The following GNA11 variants were observed in gnomAD, a reference collection of about 807,000 sequenced individuals.
The protein encoded by GNA11 is G protein subunit alpha 11, also known as guanine nucleotide-binding protein subunit alpha-11.
A neutral mutation model predicts 38.2 loss-of-function variants in GNA11; 8 were observed. The observed-to-expected ratio is 0.21, with a 90% CI of 0.12 to 0.38. The LOEUF (loss-of-function observed/expected upper bound fraction) is 0.38, where lower values mean the gene tolerates loss of function less well. GNA11 is among the 10% of genes least tolerant of loss of function. GNA11 has a pLI of 1.00. For synonymous variants in GNA11, 211 were observed against 221.4 expected (o/e 0.95, Z 0.42); for missense variants, 268 against 516.3 (o/e 0.52, Z 4.66).
rs981868497 is a variant in GNA11, at chr19:3,116,332, G to C, written c.605+1260G>C. Among the ~76,000 whole-genome samples the C allele has an allele frequency of 2.0e-5, 3 of 152,200 alleles. 1 individual carries two copies. The highest frequency in any genetic ancestry group is 2.0e-4 in the Admixed American group (3 of 15,280). ...GTCGGGCGTGAGACTCCCACCGCAGGCCTTATTCCCGCCCAGTGCTGGAGG... is the reference window on the plus strand; with the variant it reads ...GTCGGGCGTGAGACTCCCACCGCAGCCCTTATTCCCGCCCAGTGCTGGAGG... On this transcript the variant is annotated intron_variant, in intron 4 of 6. Coordinates refer to ENST00000078429, the MANE Select transcript of GNA11 (RefSeq NM_002067.5).
intron 3 of GNA11, 102 bp downstream of exon 3, chr19:3,113,586 T>A: frequency 1.1e-6 from 1 of 874,046 alleles, no homozygotes; most frequent in Non-Finnish European, 1.7e-6. Flanking sequence ...GCCCCCTGCC[T>A]GCTCGCCGGG....
intron 1 of GNA11, among the ~76,000 whole-genome samples, chr19:3,098,884 G>A (rs1027175773): frequency 2.0e-5 from 3 of 152,196 alleles, no homozygotes; most frequent in African/African-American, 7.2e-5. Context: ...CTGCTCTCAC[G>A]TCCTTTGTGT....
intron 3 of GNA11, among the ~76,000 whole-genome samples, chr19:3,114,664 G>C (rs956431341): frequency 6.6e-6 from 1 of 152,180 alleles, no homozygotes; most frequent in South Asian, 2.1e-4. Flanking sequence ...CAAACCCCCC[G>C]AACCAGCTGG....
chr19:3,095,288 C>A (rs761210960), intron 1 of GNA11, among the ~76,000 whole-genome samples: 11 of 152,148 alleles, frequency 7.2e-5, no homozygotes, highest in Non-Finnish European at 1.5e-4. Flanking sequence ...CAGGACTCTT[C>A]AGGATTTGCC....
chr19:3,106,371 C>T (rs1212442137), intron 1 of GNA11, among the ~76,000 whole-genome samples: 3 of 152,246 alleles, frequency 2.0e-5, no homozygotes, highest in African/African-American at 7.2e-5. Context: ...ATTTGAAAAG[C>T]AGGCTGGGAC....
At chr19:3,111,410 T>G (rs988860553) in intron 2 of GNA11, among the ~76,000 whole-genome samples, 4 of 152,164 alleles carry the variant, frequency 2.6e-5, no homozygotes, top group African/African-American at 9.7e-5. Context: ...GAAATGGGAT[T>G]GCACGCCATG....
chr19:3,096,867 C>T (rs189705139), intron 1 of GNA11, among the ~76,000 whole-genome samples: 4 of 152,272 alleles, frequency 2.6e-5, no homozygotes, highest in African/African-American at 7.2e-5. Context: ...CGCAGAGAGC[C>T]GGGGCTGTCA....
intron 2 of GNA11, among the ~76,000 whole-genome samples, chr19:3,111,426 T>C (rs541818196): frequency 2.6e-5 from 4 of 152,286 alleles, no homozygotes; most frequent in East Asian, 3.9e-4. Flanking sequence ...CCATGTGGCC[T>C]TTTGTGTCCG....
chr19:3,109,997 A>T (rs1010154252), intron 1 of GNA11, 152 bp from the exon 2 acceptor site: 1 of 601,390 alleles, frequency 1.7e-6, no homozygotes, highest in Non-Finnish European at 2.9e-6. Context: ...AGGAGTCAGG[A>T]GGCCGTGGCG....
chr19:3,097,333 C>T (rs558836678), intron 1 of GNA11, among the ~76,000 whole-genome samples: 10 of 152,158 alleles, frequency 6.6e-5, no homozygotes, highest in Non-Finnish European at 1.5e-4. Context: ...CCTCCCCTGC[C>T]CCTTAGCAGT....
In GNA11 at chr19:3,095,745, G is replaced by A. The variant is rs1913347527; in HGVS notation, c.136+958G>A. 2.0e-5 allele frequency among the ~76,000 whole-genome samples: 3 copies of A among 152,068 alleles called. No homozygotes were observed. The South Asian group carries it at 6.2e-4, about 32-fold the overall frequency. ...GCTTGTTGTCCCAAGCAGCTATCTCGGCAGCCTCCCCCGCCCCCTTCCTTA... is the reference window on the plus strand; with the variant it reads ...GCTTGTTGTCCCAAGCAGCTATCTCAGCAGCCTCCCCCGCCCCCTTCCTTA... On this transcript the variant is annotated intron_variant, in intron 1 of 6. Coordinates refer to ENST00000078429, the MANE Select transcript of GNA11 (RefSeq NM_002067.5).
rs995605325 is a variant in GNA11 at position 3,110,347 on chromosome 19, C to T, written c.321+14C>T. On this transcript the variant is annotated intron_variant, in intron 2 of 6. Transcript: ENST00000078429. This position sits in a 1 kb window ranked among gnomAD's most constrained non-coding sequence, Gnocchi z 5.4. ...GAGCAGAACAAGGTGAGCCCGCGGG[C>T]GCCTGGGGAGGGGAGCGCCTGGGCA... The T allele has an allele frequency of 7.5e-6, 12 of 1,594,772 alleles. No homozygotes were observed. Among genetic ancestry groups the T allele is most frequent in the African/African-American group, 2.7e-5 (2 of 72,852 alleles).
intron 1 of GNA11, among the ~76,000 whole-genome samples, chr19:3,096,492 C>T (rs990151681): frequency 4.6e-5 from 7 of 152,180 alleles, no homozygotes; most frequent in African/African-American, 1.2e-4. Flanking sequence ...CCAGAACCCC[C>T]GCCGCCATCC....
At position 3,121,213 on chromosome 19, in the gene GNA11, G is replaced by A. The variant is rs368892324; in HGVS notation, c.*34G>A. The A allele has an allele frequency of 2.2e-4, 334 of 1,541,294 alleles. No homozygotes were observed. Among genetic ancestry groups the A allele is most frequent in the Admixed American group, 9.6e-4 (55 of 57,182 alleles). The stretch of plus-strand genomic sequence containing the variant: ...GCCCAGGGAGACGGGATGGAGACAC[G>A]GGGCAGGACCTTCCTTCCACGGAGC... On this transcript the variant is annotated 3_prime_UTR_variant, in exon 7 of 7. Coordinates refer to ENST00000078429, the MANE Select transcript of GNA11 (RefSeq NM_002067.5).
Position 3,119,559 on chromosome 19 carries a change from C to T in GNA11, c.889+200C>T, listed in dbSNP as rs1029450909. Among the ~76,000 whole-genome samples the T allele has an allele frequency of 1.5e-5, 2 of 129,210 alleles. No homozygotes were observed. Among genetic ancestry groups the T allele is most frequent in the African/African-American group, 2.9e-5 (1 of 34,342 alleles). The allele number at this position is 129,210 out of a possible 152,430, so 84.8% of individuals were successfully genotyped here. On this transcript the variant is annotated intron_variant, in intron 6 of 6. Coordinates refer to ENST00000078429, the MANE Select transcript of GNA11 (RefSeq NM_002067.5). This position sits in a 1 kb window ranked among gnomAD's most constrained non-coding sequence, Gnocchi z 4.6. ...CTGTACGGGAATGAGTTCTCCGACG[C>T]GGGTGTCTCATACCCGTGGGAGATC... is the stretch of plus-strand genomic sequence containing the variant.
At chr19:3,106,015 G>A (rs1215555668) in intron 1 of GNA11, among the ~76,000 whole-genome samples, 1 of 152,192 alleles carries the variant, frequency 6.6e-6, no homozygotes, top group Non-Finnish European at 1.5e-5. Flanking sequence ...TTTCTTTCCA[G>A]TGGGCAGCTG....
chr19:3,113,905 G>C (rs411386), intron 3 of GNA11, among the ~76,000 whole-genome samples: 4 of 152,032 alleles, frequency 2.6e-5, no homozygotes, highest in Non-Finnish European at 4.4e-5. Flanking sequence ...TCTCCCACTA[G>C]TGACTGGCTG....
chr19:3,100,230 G>A (rs1913469951), intron 1 of GNA11, among the ~76,000 whole-genome samples: 1 of 152,102 alleles, frequency 6.6e-6, no homozygotes, highest in Admixed American at 6.5e-5. Context: ...AGCTGTCTTG[G>A]GCACTGCAGG....
chr19:3,110,517 A>G lies in GNA11; in HGVS notation c.321+184A>G, dbSNP rs172613. Among the ~76,000 whole-genome samples the G allele has an allele frequency of 0.38, 57,401 of 152,054 alleles. 11,798 individuals carry two copies. The highest frequency in any genetic ancestry group is 0.47 in the Non-Finnish European group (31,970 of 67,962). ...GCAACCGCTGACTTCCTGGGGGCCAACTGGAGAGTTGTGATGGGCATTGCG... is the reference window on the plus strand; with the variant it reads ...GCAACCGCTGACTTCCTGGGGGCCAGCTGGAGAGTTGTGATGGGCATTGCG... On this transcript the variant is annotated intron_variant, in intron 2 of 6. Coordinates refer to ENST00000078429, the MANE Select transcript of GNA11 (RefSeq NM_002067.5). The surrounding 1 kb of genome is among the most constrained non-coding windows in gnomAD (Gnocchi z 5.4).
Sources: gnomAD v4.1 joint callset for allele counts (sites outside exome capture counted in the v4.1 genomes callset) on GRCh38, gnomAD v4.1.1 for gene constraint, Gnocchi (gnomAD v3.1) non-coding constraint, MANE v1.5 for transcripts, NCBI Gene and HGNC (gene_info 2026-07-23, HGNC 2026-07-21) for gene names.